KIAA1217: variants seen among roughly 807,000 people sequenced by gnomAD.
KIAA1217 encodes the protein sickle tail protein homolog.
A neutral mutation model predicts 163.9 loss-of-function variants in KIAA1217; 88 were observed. That is an observed-to-expected ratio of 0.54 (90% CI 0.45 to 0.64). The LOEUF is 0.64. Ranked by LOEUF, KIAA1217 falls within the 30% of genes least tolerant of loss-of-function variation. The pLI is 0.00. For synonymous variants in KIAA1217, 903 were observed against 923.1 expected, an observed-to-expected ratio of 0.98 and a Z score of 0.39; for missense variants, 2,372 against 2,475.0, an observed-to-expected ratio of 0.96 and a Z score of 0.88.
At chr10:24,359,082 C>CTTTTTTTTT (rs202024336) in intron 2 of KIAA1217, among the ~76,000 whole-genome samples, 25 of 81,518 alleles carry the variant, frequency 3.1e-4, no homozygotes, top group Admixed American at 3.8e-4. Flanking sequence ...TTCTTTCTTT[C>CTTTTTTTTT]TTTTTTTTTT....
At chr10:24,042,393 G>A (rs1386195995) in intron 2 of KIAA1217, 1 of 152,136 alleles carries the variant, frequency 6.6e-6, no homozygotes, top group African/African-American at 2.4e-5. Context: ...AAACAGCTTA[G>A]GTGAGAAGAT....
intron 1 of KIAA1217, among the ~76,000 whole-genome samples, chr10:23,973,230 A>G (rs1440100353): frequency 6.6e-6 from 1 of 152,116 alleles, no homozygotes; most frequent in African/African-American, 2.4e-5. Context: ...TTAGGAGGGA[A>G]AAAAATAGCT....
At chr10:23,950,387 C>T (rs1844277604) in intron 1 of KIAA1217, among the ~76,000 whole-genome samples, 1 of 151,312 alleles carries the variant, frequency 6.6e-6, no homozygotes, top group Non-Finnish European at 1.5e-5. Context: ...CTTTCAATCA[C>T]ATCATTTTTT....
intron 1 of KIAA1217, among the ~76,000 whole-genome samples, chr10:23,901,936 A>G (rs967811052): frequency 8.7e-5 from 13 of 148,860 alleles, no homozygotes; most frequent in African/African-American, 2.4e-4. Flanking sequence ...AAAAAGGAAG[A>G]AAGAAAGAAA....
At chr10:23,703,134 A>G (rs1010763541) in intron 1 of KIAA1217, among the ~76,000 whole-genome samples, 1 of 152,078 alleles carries the variant, frequency 6.6e-6, no homozygotes, top group African/African-American at 2.4e-5. Context: ...TTCACCTGCT[A>G]TAGTCCTGGC....
At chr10:24,082,367 C>T (rs1338165261) in intron 2 of KIAA1217, among the ~76,000 whole-genome samples, 3 of 152,080 alleles carry the variant, frequency 2.0e-5, no homozygotes, top group Admixed American at 6.6e-5. Flanking sequence ...GCCCAGCATG[C>T]CTTAGCTATT....
intron 1 of KIAA1217, among the ~76,000 whole-genome samples, chr10:23,723,331 C>G (rs1407234260): frequency 6.6e-6 from 1 of 151,972 alleles, no homozygotes; most frequent in African/African-American, 2.4e-5. Context: ...CTTCTGGTTT[C>G]TATTAGTGTA....
chr10:23,801,917 G>A (rs184901812), intron 1 of KIAA1217, among the ~76,000 whole-genome samples: 63 of 152,164 alleles, frequency 4.1e-4, no homozygotes, highest in South Asian at 1.0e-3. Context: ...ATATGCATAC[G>A]GACATAAATA....
At chr10:24,390,476 G>A (rs1254990687) in intron 3 of KIAA1217, among the ~76,000 whole-genome samples, 2 of 72,786 alleles carry the variant, frequency 2.7e-5, no homozygotes, top group Non-Finnish European at 6.8e-5. Context: ...AGGGAGGGAG[G>A]GAAGGAAGGA....
chr10:24,315,270 G>A (rs1206098930), intron 2 of KIAA1217, among the ~76,000 whole-genome samples: 1 of 152,164 alleles, frequency 6.6e-6, no homozygotes, highest in Admixed American at 6.5e-5. Flanking sequence ...AGATGGAACT[G>A]GGGGCCTAGA....
intron 2 of KIAA1217, among the ~76,000 whole-genome samples, chr10:24,363,041 A>C (rs2428305): frequency 1.3e-5 from 2 of 152,126 alleles, no homozygotes; most frequent in African/African-American, 4.8e-5. Flanking sequence ...TCCTGATGTT[A>C]CTCCCTAGAG....
intron 1 of KIAA1217, among the ~76,000 whole-genome samples, chr10:23,790,552 C>CATATGT (rs1435463343): frequency 2.9e-5 from 3 of 102,060 alleles, no homozygotes; most frequent in African/African-American, 1.2e-4. Context: ...TGCATATATA[C>CATATGT]ATATGTACAT....
chr10:23,988,332 G>C (rs1176147046), intron 1 of KIAA1217, among the ~76,000 whole-genome samples: 1 of 152,210 alleles, frequency 6.6e-6, no homozygotes, highest in East Asian at 1.9e-4. Context: ...ATAATGACTG[G>C]TTTCAGAGAT....
In KIAA1217 at chr10:24,546,298, C is replaced by T. The variant is rs774629474; in HGVS notation, c.5806C>T (p.Pro1936Ser). The change falls in exon 21 of 21, where the codon CCA becomes TCA. Residue 1936 changes from proline to serine, a missense_variant. Pro to Ser is a moderately conservative substitution (Grantham distance 74, BLOSUM62 -1). Coordinates refer to ENST00000376454, the MANE Select transcript of KIAA1217 (RefSeq NM_019590.5). Reference protein sequence around the residue: ...AQNGSSSKATPSTAKETS With the variant: ...AQNGSSSKATSSTAKETS ...GAATGGAAGTTCAAGCAAAGCCACCCCATCCACAGCAAAAGAAACCTCTTA... is the reference window on the plus strand; with the variant it reads ...GAATGGAAGTTCAAGCAAAGCCACCTCATCCACAGCAAAAGAAACCTCTTA... 1 of 1,604,508 alleles carries T rather than the reference C, an allele frequency of 6.2e-7. No homozygotes were observed. The highest frequency in any genetic ancestry group is 8.5e-7 in the Non-Finnish European group (1 of 1,175,312).
chr10:24,495,572 C>T (rs937915912), intron 8 of KIAA1217, among the ~76,000 whole-genome samples: 6 of 152,180 alleles, frequency 3.9e-5, no homozygotes, highest in South Asian at 2.1e-4. Flanking sequence ...ATAGGACTAG[C>T]CTATACCAAG....
At chr10:24,483,371 C>T (rs900298907) in intron 6 of KIAA1217, among the ~76,000 whole-genome samples, 3 of 152,152 alleles carry the variant, frequency 2.0e-5, no homozygotes, top group Admixed American at 6.5e-5. Flanking sequence ...GCCCACCTTC[C>T]GCCTGTTCTC....
At chr10:24,122,627 T>C (rs1383598995) in intron 2 of KIAA1217, among the ~76,000 whole-genome samples, 1 of 152,140 alleles carries the variant, frequency 6.6e-6, no homozygotes, top group Non-Finnish European at 1.5e-5. Context: ...TAGAATGGAT[T>C]TGGGATCATC....
chr10:24,062,834 A>G (rs910710558), intron 2 of KIAA1217, among the ~76,000 whole-genome samples: 2 of 152,098 alleles, frequency 1.3e-5, no homozygotes, highest in African/African-American at 4.8e-5. Flanking sequence ...CACCATTCTA[A>G]TTGGTGTGAG....
At chr10:24,528,914 T>G (rs2072664566) in intron 14 of KIAA1217, among the ~76,000 whole-genome samples, 1 of 152,062 alleles carries the variant, frequency 6.6e-6, no homozygotes. Flanking sequence ...AACTCAACTA[T>G]GGAAGTTAAA....
Sources: gnomAD v4.1 joint callset for allele counts (sites outside exome capture counted in the v4.1 genomes callset) on GRCh38, gnomAD v4.1.1 for gene constraint, MANE v1.5 for transcripts, NCBI Gene and HGNC (gene_info 2026-07-23, HGNC 2026-07-21) for gene names.